Variants in KLHL32 observed in about 807,000 individuals in gnomAD.
KLHL32 encodes the protein kelch like family member 32.
KLHL32 carries 35 observed loss-of-function variants against 64.8 expected under a neutral mutation model. The observed-to-expected ratio is 0.54, with a 90% CI of 0.41 to 0.72. The LOEUF is 0.72. KLHL32 is among the 30% of genes least tolerant of loss of function. KLHL32 has a pLI of 0.00. For synonymous variants in KLHL32, 259 were observed against 281.0 expected, an observed-to-expected ratio of 0.92 and a Z score of 0.78; for missense variants, 589 against 768.5, an observed-to-expected ratio of 0.77 and a Z score of 2.76.
intron 8 of KLHL32, among the ~76,000 whole-genome samples, chr6:97,130,009 A>C (rs1303507555): frequency 6.6e-6 from 1 of 152,214 alleles, no homozygotes; most frequent in African/African-American, 2.4e-5. Flanking sequence ...GGAGGCTGAT[A>C]AAAGGAAATG....
intron 1 of KLHL32, among the ~76,000 whole-genome samples, chr6:96,927,930 A>T (rs34700687): frequency 6.6e-6 from 1 of 152,142 alleles, no homozygotes; most frequent in Non-Finnish European, 1.5e-5. Context: ...CAATGACTCT[A>T]TAAAGTGGGC....
intron 1 of KLHL32, among the ~76,000 whole-genome samples, chr6:96,956,952 A>G (rs1218101802): frequency 6.6e-6 from 1 of 152,242 alleles, no homozygotes; most frequent in African/African-American, 2.4e-5. Flanking sequence ...TAGACATTAT[A>G]AATGAGGAAA....
At position 97,086,434 on chromosome 6, in the gene KLHL32, C is replaced by T. The variant is rs551850415; in HGVS notation, c.627+1093C>T. On this transcript the variant is annotated intron_variant, in intron 6 of 10. Coordinates refer to ENST00000369261, the MANE Select transcript of KLHL32 (RefSeq NM_052904.4). ...ACCAGAGGGAATTAAAGAGCTGCAGCGTCCTGAAGGCCTTCTGGGTCCCAG... is the reference window on the plus strand; with the variant it reads ...ACCAGAGGGAATTAAAGAGCTGCAGTGTCCTGAAGGCCTTCTGGGTCCCAG... Among the ~76,000 whole-genome samples the T allele has an allele frequency of 1.1e-4, 17 of 152,270 alleles. No individual in the cohort carries two copies. In the South Asian group the frequency reaches 3.3e-3, roughly 30 times the overall value.
chr6:97,047,016 G>A (rs539288036), intron 4 of KLHL32, among the ~76,000 whole-genome samples: 1 of 152,270 alleles, frequency 6.6e-6, no homozygotes, highest in South Asian at 2.1e-4. Context: ...TTGCTGTCTT[G>A]GAGAGAAATT....
At chr6:96,972,209 A>G (rs908373235) in intron 2 of KLHL32, among the ~76,000 whole-genome samples, 13 of 152,194 alleles carry the variant, frequency 8.5e-5, no homozygotes, top group South Asian at 2.1e-4. Flanking sequence ...CATACCCTAA[A>G]TATTATAATT....
At chr6:97,103,417 G>A (rs184535297) in intron 6 of KLHL32, among the ~76,000 whole-genome samples, 29 of 152,188 alleles carry the variant, frequency 1.9e-4, no homozygotes, top group Non-Finnish European at 3.5e-4. Flanking sequence ...GTTTCACCAT[G>A]TTAGCCAGGA....
At chr6:96,903,695 A>T in the KLHL32 span, among the ~76,000 whole-genome samples, 1 of 152,214 alleles carries the variant, frequency 6.6e-6, no homozygotes, top group African/African-American at 2.4e-5. Flanking sequence ...CCAGAAATTA[A>T]GGCAGTTCAG....
In KLHL32 at chr6:97,140,648, G is replaced by A. The variant is rs1473792792; in HGVS notation, c.*1366G>A. On this transcript the variant is annotated 3_prime_UTR_variant, in exon 11 of 11. Transcript: ENST00000369261. ...GGAAGAATTCACTCTTTTTTCCTTGGCAGTTTAATCATTCAGGAATCCCTC... is the reference window on the plus strand; with the variant it reads ...GGAAGAATTCACTCTTTTTTCCTTGACAGTTTAATCATTCAGGAATCCCTC... 5.3e-5 allele frequency: 8 copies of A among 151,798 alleles called. No individual in the cohort carries two copies. Among genetic ancestry groups the A allele is most frequent in the Non-Finnish European group, 1.0e-4 (7 of 67,796 alleles). 9.4% of individuals were successfully genotyped at this position (151,798 alleles called of 1,614,324 possible).
intron 6 of KLHL32, among the ~76,000 whole-genome samples, chr6:97,095,815 T>C (rs543815445): frequency 4.6e-5 from 7 of 152,290 alleles, no homozygotes; most frequent in African/African-American, 1.7e-4. Context: ...ATTTGGAAAA[T>C]ACATGTGTTT....
chr6:97,069,782 G>A (rs1002212034), intron 5 of KLHL32, among the ~76,000 whole-genome samples: 6 of 151,912 alleles, frequency 3.9e-5, no homozygotes, highest in African/African-American at 1.5e-4. Flanking sequence ...CATTAGTTTT[G>A]CCCACTGAAT....
At chr6:97,024,870 G>T (rs1782504827) in intron 3 of KLHL32, 1 of 415,706 alleles carries the variant, frequency 2.4e-6, no homozygotes, top group Non-Finnish European at 3.2e-6. Context: ...ATATGTATTT[G>T]TTTCAAATAT....
intron 5 of KLHL32, among the ~76,000 whole-genome samples, chr6:97,074,869 T>TA (rs1287653194): frequency 6.6e-6 from 1 of 150,802 alleles, no homozygotes; most frequent in East Asian, 1.9e-4. Flanking sequence ...TAAAAGAAAA[T>TA]ATATATATAT....
At chr6:97,108,928 A>G (rs996978023) in intron 6 of KLHL32, among the ~76,000 whole-genome samples, 7 of 152,242 alleles carry the variant, frequency 4.6e-5, no homozygotes, top group Non-Finnish European at 7.3e-5. Context: ...CTGATAAGGC[A>G]GCAATTTACC....
intron 6 of KLHL32, among the ~76,000 whole-genome samples, chr6:97,105,672 G>T (rs566483690): frequency 3.7e-4 from 57 of 152,170 alleles, no homozygotes; most frequent in African/African-American, 1.4e-3. Context: ...AAGGCTATGA[G>T]CAAAAAGACC....
At chr6:96,953,275 A>C (rs1336763561) in intron 1 of KLHL32, among the ~76,000 whole-genome samples, 8 of 152,194 alleles carry the variant, frequency 5.3e-5, no homozygotes, top group Non-Finnish European at 5.9e-5. Flanking sequence ...TAACATGCTT[A>C]TGTTGCCAGT....
intron 3 of KLHL32, among the ~76,000 whole-genome samples, chr6:96,989,530 AT>A (rs1172345203): frequency 6.6e-6 from 1 of 151,676 alleles, no homozygotes; most frequent in African/African-American, 2.4e-5. Context: ...TGCCTTTAAT[AT>A]TTTTTTCTTT....
intron 1 of KLHL32, among the ~76,000 whole-genome samples, chr6:96,962,110 G>C (rs1367911865): frequency 6.6e-6 from 1 of 152,092 alleles, no homozygotes; most frequent in Admixed American, 6.6e-5. Context: ...AGTTTGGAAG[G>C]CTTAATCATG....
intron 1 of KLHL32, among the ~76,000 whole-genome samples, chr6:96,932,567 C>G (rs1167075119): frequency 3.9e-5 from 5 of 128,262 alleles, no homozygotes; most frequent in Non-Finnish European, 8.3e-5. Flanking sequence ...GTCAATTTCC[C>G]CCCCCCCCTT....
At chr6:96,988,933 A>G (rs920170065) in intron 3 of KLHL32, among the ~76,000 whole-genome samples, 1 of 151,934 alleles carries the variant, frequency 6.6e-6, no homozygotes, top group Non-Finnish European at 1.5e-5. Flanking sequence ...GAAGGGGAAC[A>G]TCACACACTG....
Sources: allele counts gnomAD v4.1 joint callset (sites outside exome capture counted in the v4.1 genomes callset), GRCh38; gene constraint gnomAD v4.1.1; transcripts MANE v1.5; gene names NCBI Gene and HGNC (gene_info 2026-07-23, HGNC 2026-07-21).